Variants in SEPTIN7 observed in about 807,000 individuals in gnomAD.
SEPTIN7 encodes the protein septin-7.
In SEPTIN7, 10 loss-of-function variants were observed where a neutral mutation model predicts 63.3. That is an observed-to-expected ratio of 0.16 (90% CI 0.10 to 0.27). SEPTIN7 has a LOEUF of 0.27. Among genes scored for constraint, SEPTIN7 ranks in the 10% least tolerant of loss-of-function variants. The pLI, the probability that SEPTIN7 is intolerant of heterozygous loss-of-function variation, is 1.00. For synonymous variants in SEPTIN7, 131 were observed against 165.3 expected (o/e 0.79, Z 1.59); for missense variants, 310 against 521.0 (o/e 0.59, Z 3.94).
chr7:35,863,409 C>G, intron 3 of SEPTIN7, 143 bp from the exon 4 acceptor site: 1 of 566,558 alleles, frequency 1.8e-6, no homozygotes, highest in South Asian at 2.3e-5. Context: ...GATACTTATT[C>G]TCTGTAGCAT....
chr7:35,810,847 A>G (rs1788658951), intron 1 of SEPTIN7, among the ~76,000 whole-genome samples: 1 of 150,068 alleles, frequency 6.7e-6, no homozygotes, highest in African/African-American at 2.5e-5. Flanking sequence ...GCTCACTGCA[A>G]CCTCCACCTC....
intron 11 of SEPTIN7, among the ~76,000 whole-genome samples, chr7:35,891,218 A>G (rs530893335): frequency 1.4e-4 from 22 of 152,218 alleles, no homozygotes; most frequent in African/African-American, 4.6e-4. Flanking sequence ...GAAAAAAGAG[A>G]TGTGTGAGGA....
At chr7:35,838,238 TTCCTTCCTTC>T in intron 3 of SEPTIN7, among the ~76,000 whole-genome samples, 1 of 6,604 alleles carries the variant, frequency 1.5e-4, no homozygotes, top group Non-Finnish European at 2.6e-4. Flanking sequence ...TTATCCAAAC[TTCCTTCCTTC>T]CTTCCTTCCT....
chr7:35,831,705 A>C (rs1783842234), intron 2 of SEPTIN7: 1 of 235,486 alleles, frequency 4.2e-6, no homozygotes, highest in South Asian at 4.7e-5. Context: ...TTTTCATTTT[A>C]ATGGGCTTCG....
At chr7:35,805,711 T>G (rs1173389736) in intron 1 of SEPTIN7, among the ~76,000 whole-genome samples, 1 of 152,262 alleles carries the variant, frequency 6.6e-6, no homozygotes, top group Admixed American at 6.5e-5. Context: ...TACGTTATTT[T>G]GAAGTTTTCT....
chr7:35,877,716 G>A (rs1437953804), intron 6 of SEPTIN7, among the ~76,000 whole-genome samples: 4 of 152,148 alleles, frequency 2.6e-5, no homozygotes, highest in East Asian at 3.8e-4. Context: ...AGGACATAAC[G>A]AAAATCACAG....
chr7:35,833,170 A>T (rs1783914818), intron 3 of SEPTIN7, among the ~76,000 whole-genome samples: 1 of 152,042 alleles, frequency 6.6e-6, no homozygotes, highest in Non-Finnish European at 1.5e-5. Context: ...TTCAATTCAT[A>T]GTGCTACAAA....
In SEPTIN7 at chr7:35,904,361, G is replaced by A. The variant is rs1788497491; in HGVS notation, c.*68G>A. On this transcript the variant is annotated 3_prime_UTR_variant, in exon 14 of 14. Coordinates refer to ENST00000350320, the MANE Select transcript of SEPTIN7 (RefSeq NM_001788.6). ...CCAGCTTGGACATCAGTGTTTGTTGGATCCGTTTGACCAATTTGCACCAGT... is the reference window on the plus strand; with the variant it reads ...CCAGCTTGGACATCAGTGTTTGTTGAATCCGTTTGACCAATTTGCACCAGT... 7.5e-7 allele frequency: 1 copy of A among 1,328,098 alleles called. No individual in the cohort carries two copies. The highest frequency in any genetic ancestry group is 1.0e-6 in the Non-Finnish European group (1 of 973,694). 82.3% of individuals were successfully genotyped at this position (1,328,098 alleles called of 1,614,324 possible). A position where few individuals can be genotyped will look rare whatever the true frequency, so the allele number is the denominator to read the frequency against.
chr7:35,808,816 A>G (rs556041266), intron 1 of SEPTIN7, among the ~76,000 whole-genome samples: 8 of 152,322 alleles, frequency 5.3e-5, no homozygotes, highest in African/African-American at 1.9e-4. Context: ...TATGGGATAT[A>G]TTTTGATTTG....
At chr7:35,858,829 C>A (rs558853606) in intron 3 of SEPTIN7, among the ~76,000 whole-genome samples, 2 of 151,964 alleles carry the variant, frequency 1.3e-5, no homozygotes, top group Admixed American at 1.3e-4. Context: ...TACAGGCATG[C>A]GCCACCACAC....
At chr7:35,823,262 C>T (rs760042908) in intron 1 of SEPTIN7, among the ~76,000 whole-genome samples, 5 of 152,128 alleles carry the variant, frequency 3.3e-5, no homozygotes, top group Non-Finnish European at 5.9e-5. Context: ...AGTACAATAG[C>T]GTGATCTTGG....
chr7:35,886,009 A>C (rs77037895), intron 10 of SEPTIN7, 130 bp downstream of exon 10: 1 of 642,728 alleles, frequency 1.6e-6, no homozygotes, highest in African/African-American at 1.8e-5. Context: ...CATGAAGTAA[A>C]CACTACATAT....
rs185101237 is a variant in SEPTIN7 at position 35,896,595 on chromosome 7, T to C, written c.999-1653T>C. On this transcript the variant is annotated intron_variant, in intron 11 of 13. Coordinates refer to ENST00000350320, the MANE Select transcript of SEPTIN7 (RefSeq NM_001788.6). ...AAACACCTGCCATTAATATGAGGAG[T>C]ATATTATTAAGAAGCATCTCAACTT... is the stretch of plus-strand genomic sequence containing the variant. 5.3e-4 allele frequency among the ~76,000 whole-genome samples: 80 copies of C among 152,150 alleles called. 2 individuals carry two copies. The East Asian group carries it at 5.8e-3, about 11-fold the overall frequency.
intron 1 of SEPTIN7, among the ~76,000 whole-genome samples, chr7:35,816,297 A>G (rs755998608): frequency 1.3e-5 from 2 of 152,020 alleles, no homozygotes; most frequent in African/African-American, 2.4e-5. Flanking sequence ...GGATTTGTCT[A>G]TCTTGGACAT....
At chr7:35,891,162 C>T (rs889383065) in intron 11 of SEPTIN7, among the ~76,000 whole-genome samples, 2 of 152,018 alleles carry the variant, frequency 1.3e-5, no homozygotes, top group African/African-American at 4.8e-5. Context: ...GTAGCTTTGC[C>T]CTGTTGAGCT....
At chr7:35,871,187 G>T (rs1251883883) in intron 4 of SEPTIN7, among the ~76,000 whole-genome samples, 1 of 152,148 alleles carries the variant, frequency 6.6e-6, no homozygotes, top group Non-Finnish European at 1.5e-5. Context: ...GATCAAAGCA[G>T]TTTAAAGAAC....
At chr7:35,869,979 A>G (rs1786045926) in intron 4 of SEPTIN7, among the ~76,000 whole-genome samples, 1 of 152,162 alleles carries the variant, frequency 6.6e-6, no homozygotes, top group African/African-American at 2.4e-5. Context: ...GGCCATTTGG[A>G]ATAGATTTGT....
chr7:35,847,133 G>T, intron 3 of SEPTIN7: 1 of 176,040 alleles, frequency 5.7e-6, no homozygotes, highest in East Asian at 1.5e-4. Flanking sequence ...AGTTGGCCGT[G>T]TCCAGATTGG....
intron 11 of SEPTIN7, among the ~76,000 whole-genome samples, chr7:35,892,921 A>G (rs1457068115): frequency 2.6e-5 from 4 of 152,198 alleles, no homozygotes; most frequent in Non-Finnish European, 5.9e-5. Context: ...TTAATAATAA[A>G]TAGGAATTAG....
Sources: allele counts gnomAD v4.1 joint callset (sites outside exome capture counted in the v4.1 genomes callset), GRCh38; gene constraint gnomAD v4.1.1; transcripts MANE v1.5; gene names NCBI Gene and HGNC (gene_info 2026-07-23, HGNC 2026-07-21).